Variants in AMBRA1 observed in about 807,000 individuals in gnomAD.
AMBRA1 encodes the protein autophagy and beclin 1 regulator 1, also known as activating molecule in BECN1-regulated autophagy protein 1.
A neutral mutation model predicts 125.4 loss-of-function variants in AMBRA1; 47 were observed. That is an observed-to-expected ratio of 0.37 (90% CI 0.30 to 0.48). AMBRA1 has a LOEUF of 0.48. AMBRA1 is among the 20% of genes least tolerant of loss of function. The probability of loss-of-function intolerance (pLI) is 0.99; values close to 1 mark genes in which losing one functional copy is unlikely to be tolerated. For synonymous variants in AMBRA1, 626 were observed against 655.5 expected (o/e 0.95, Z 0.69); for missense variants, 1,331 against 1,693.4 (o/e 0.79, Z 3.76).
At chr11:46,417,634 C>T (rs1401173066) in intron 15 of AMBRA1, among the ~76,000 whole-genome samples, 1 of 152,076 alleles carries the variant, frequency 6.6e-6, no homozygotes, top group Non-Finnish European at 1.5e-5. Context: ...TTTAGTATCA[C>T]TAGGAAACCA....
chr11:46,507,883 C>T (rs537563066), intron 9 of AMBRA1, among the ~76,000 whole-genome samples: 1 of 152,204 alleles, frequency 6.6e-6, no homozygotes, highest in Admixed American at 6.5e-5. Flanking sequence ...TCCACGGTCA[C>T]TGGACATGCA....
rs370069704 is a variant in AMBRA1, at chr11:46,428,588, TC to T, written c.2976+4885del. 5.1e-4 allele frequency: 582 copies of T among 1,144,268 alleles called. 5 individuals are homozygous for T. Among genetic ancestry groups the T allele is most frequent in the South Asian group, 1.6e-3 (124 of 76,146 alleles). The allele number at this position is 1,144,268 out of a possible 1,614,324, so 70.9% of individuals were successfully genotyped here. On this transcript the variant is annotated intron_variant, in intron 14 of 17. Coordinates refer to ENST00000683756, the MANE Select transcript of AMBRA1 (RefSeq NM_001387011.1). ...GATCTTTTCCACTTCTTCTTCTTCT[TC>T]TTCTTTTTTTTTTAAGGTTTTTTGG...
intron 15 of AMBRA1, among the ~76,000 whole-genome samples, chr11:46,413,279 A>G (rs1161272047): frequency 6.6e-6 from 1 of 152,190 alleles, no homozygotes; most frequent in Non-Finnish European, 1.5e-5. Flanking sequence ...TTCCTGTCTC[A>G]GATGTGTTGC....
chr11:46,495,394 A>T (rs1226834698), intron 9 of AMBRA1: 2 of 152,214 alleles, frequency 1.3e-5, no homozygotes, highest in Admixed American at 1.3e-4. Context: ...AAAGTCTATG[A>T]TGGTTTTTAT....
At chr11:46,477,500 A>T (rs76746241) in intron 11 of AMBRA1, among the ~76,000 whole-genome samples, 1 of 117,532 alleles carries the variant, frequency 8.5e-6, no homozygotes, top group East Asian at 2.1e-4. Context: ...TAATTTCTGG[A>T]AAAAAAAAAA....
chr11:46,493,504 C>T (rs1704872051), intron 11 of AMBRA1, 104 bp downstream of exon 11: 2 of 909,298 alleles, frequency 2.2e-6, no homozygotes, highest in African/African-American at 1.8e-5. Context: ...AATTTTCAGA[C>T]AGATGCCAAG....
chr11:46,494,092 G>T lies in AMBRA1; in HGVS notation c.2420+32C>A, dbSNP rs776422991. ...AACTAAATCCTAGGCTCTAACGAAG[G>T]CTCCCTCTGTTGCTAGCAACTCGGT... is the stretch of plus-strand genomic sequence containing the variant. On this transcript the variant is annotated intron_variant, in intron 10 of 17. Transcript: ENST00000683756. The T allele has an allele frequency of 4.2e-5, 66 of 1,572,706 alleles. 1 individual carries two copies. Among genetic ancestry groups the T allele is most frequent in the Non-Finnish European group, 5.6e-5 (65 of 1,151,806 alleles).
chr11:46,445,176 T>C (rs555808999), intron 11 of AMBRA1, among the ~76,000 whole-genome samples: 1 of 151,850 alleles, frequency 6.6e-6, no homozygotes, highest in African/African-American at 2.4e-5. Flanking sequence ...TAAAATTTCA[T>C]GGGAGGAGAG....
chr11:46,584,176 C>A (rs1353149715), intron 1 of AMBRA1, among the ~76,000 whole-genome samples: 6 of 140,386 alleles, frequency 4.3e-5, no homozygotes, highest in African/African-American at 1.6e-4. Context: ...ATATACACCA[C>A]GGAATACTAT....
intron 11 of AMBRA1, among the ~76,000 whole-genome samples, chr11:46,472,708 CAG>C (rs1565194944): frequency 6.6e-6 from 1 of 152,154 alleles, no homozygotes; most frequent in Non-Finnish European, 1.5e-5. Context: ...TCAAAAGACT[CAG>C]AGAACAGTAA....
chr11:46,513,900 AAAC>A (rs890539990), intron 7 of AMBRA1, among the ~76,000 whole-genome samples: 24 of 145,650 alleles, frequency 1.6e-4, no homozygotes, highest in Middle Eastern at 3.5e-3. Context: ...TTTTTTTTTT[AAAC>A]AACAAGGGCC....
chr11:46,477,326 T>G (rs1949856577), intron 11 of AMBRA1, among the ~76,000 whole-genome samples: 1 of 151,696 alleles, frequency 6.6e-6, no homozygotes, highest in South Asian at 2.1e-4. Context: ...TACTTCTTTT[T>G]TTTTTTTTTG....
intron 5 of AMBRA1, among the ~76,000 whole-genome samples, 186 bp downstream of exon 5, chr11:46,545,418 C>T (rs574757038): frequency 9.3e-4 from 142 of 152,000 alleles, no homozygotes; most frequent in African/African-American, 3.1e-3. Flanking sequence ...GACAAGACTG[C>T]GCCACTGCAC....
intron 12 of AMBRA1, among the ~76,000 whole-genome samples, chr11:46,438,564 A>T (rs1243364147): frequency 6.6e-6 from 1 of 152,260 alleles, no homozygotes; most frequent in Admixed American, 6.5e-5. Flanking sequence ...GGGTTAAATC[A>T]GCAGAAAAAT....
Position 46,397,487 on chromosome 11 carries a change from T to TC in AMBRA1, c.3859dup (p.Asp1287GlyfsTer6), listed in dbSNP as rs1483640596. The TC allele has an allele frequency of 3.3e-6, 5 of 1,521,618 alleles. No homozygotes were observed. Among genetic ancestry groups the TC allele is most frequent in the Non-Finnish European group, 4.4e-6 (5 of 1,133,720 alleles). The allele number at this position is 1,521,618 out of a possible 1,614,324, so 94.3% of individuals were successfully genotyped here. ...TGGTTCTCCCCTAGGGCCTGCAGCG[T>TC]CCCCCCTGCTGCTGCCACCATCCAG... On this transcript the variant is annotated frameshift_variant, in exon 18 of 18. Coordinates refer to ENST00000683756, the MANE Select transcript of AMBRA1 (RefSeq NM_001387011.1). LOFTEE classifies it high-confidence loss of function.
chr11:46,548,732 C>A (rs149458497), intron 1 of AMBRA1, among the ~76,000 whole-genome samples: 320 of 152,344 alleles, frequency 2.1e-3, no homozygotes, highest in African/African-American at 7.4e-3. Context: ...GTGGCTCACG[C>A]CTGTAATCCC....
intron 11 of AMBRA1, among the ~76,000 whole-genome samples, chr11:46,477,648 G>A (rs774743448): frequency 1.3e-4 from 20 of 151,990 alleles, no homozygotes; most frequent in Non-Finnish European, 2.5e-4. Flanking sequence ...TTGAGGACAC[G>A]TCTTTATTGT....
intron 11 of AMBRA1, among the ~76,000 whole-genome samples, chr11:46,470,189 C>T (rs988891013): frequency 2.6e-5 from 4 of 152,084 alleles, no homozygotes; most frequent in Non-Finnish European, 5.9e-5. Context: ...ATGCCTATAA[C>T]CCGAGCACTT....
chr11:46,562,014 T>C (rs1591128544), intron 1 of AMBRA1, among the ~76,000 whole-genome samples: 1 of 152,182 alleles, frequency 6.6e-6, no homozygotes, highest in Non-Finnish European at 1.5e-5. Context: ...AGAAGAACAT[T>C]CTTGCCCCCC....
Sources: gnomAD v4.1 joint callset for allele counts (sites outside exome capture counted in the v4.1 genomes callset) on GRCh38, gnomAD v4.1.1 for gene constraint, MANE v1.5 for transcripts, NCBI Gene and HGNC (gene_info 2026-07-23, HGNC 2026-07-21) for gene names.